ICA1: variants seen among roughly 807,000 people sequenced by gnomAD.
The protein encoded by ICA1 is islet cell autoantigen 1.
Under a neutral mutation model 71.0 loss-of-function variants are expected in ICA1, and 40 were observed. That is an observed-to-expected ratio of 0.56 (90% CI 0.44 to 0.73). The LOEUF (loss-of-function observed/expected upper bound fraction) is 0.73, where lower values mean the gene tolerates loss of function less well. ICA1 is among the 30% of genes least tolerant of loss of function. The pLI is 0.00. For synonymous variants in ICA1, 207 were observed against 209.5 expected (o/e 0.99, Z 0.10); for missense variants, 578 against 576.5 (o/e 1.00, Z -0.03).
chr7:8,140,109 T>A (rs1444620702), intron 10 of ICA1, among the ~76,000 whole-genome samples: 2 of 152,222 alleles, frequency 1.3e-5, no homozygotes, highest in African/African-American at 4.8e-5. Context: ...TTTATATAGA[T>A]TTATAACTTG....
At chr7:8,225,284 A>T (rs1239224245) in intron 4 of ICA1, among the ~76,000 whole-genome samples, 1 of 151,352 alleles carries the variant, frequency 6.6e-6, no homozygotes, top group Non-Finnish European at 1.5e-5. Flanking sequence ...TCCACCATTT[A>T]TCTCTCTCTC....
chr7:8,152,845 C>CACCAT (rs1799919708), intron 8 of ICA1, among the ~76,000 whole-genome samples: 4 of 135,330 alleles, frequency 3.0e-5, no homozygotes, highest in African/African-American at 5.8e-5. Flanking sequence ...CCCACCACTA[C>CACCAT]CACCATCACC....
intron 9 of ICA1, among the ~76,000 whole-genome samples, chr7:8,142,464 G>A (rs1795565973): frequency 1.3e-5 from 2 of 150,480 alleles, no homozygotes; most frequent in Non-Finnish European, 2.9e-5. Context: ...AAGCACTGAA[G>A]TATTTGAGAA....
At chr7:8,165,051 G>A (rs562686756) in intron 6 of ICA1, among the ~76,000 whole-genome samples, 55 of 152,178 alleles carry the variant, frequency 3.6e-4, no homozygotes, top group African/African-American at 1.2e-3. Context: ...CACTCCAGAA[G>A]CAGCCTGGGT....
intron 13 of ICA1, among the ~76,000 whole-genome samples, chr7:8,115,432 C>A (rs1011132108): frequency 6.6e-6 from 1 of 152,152 alleles, no homozygotes; most frequent in African/African-American, 2.4e-5. Context: ...TAGAGGATAT[C>A]AAAATATCTT....
intron 1 of ICA1, among the ~76,000 whole-genome samples, chr7:8,259,454 C>T (rs1057454069): frequency 2.0e-5 from 3 of 152,176 alleles, no homozygotes; most frequent in Non-Finnish European, 4.4e-5. Flanking sequence ...ATTATTTGAA[C>T]TACTCAAAAC....
rs763643144 is a variant in ICA1 at position 8,132,166 on chromosome 7, C to G, written c.1061-4024G>C. Among the ~76,000 whole-genome samples the G allele has an allele frequency of 1.3e-5, 2 of 152,198 alleles. No homozygotes were observed. Among genetic ancestry groups the G allele is most frequent in the Non-Finnish European group, 1.5e-5 (1 of 68,040 alleles). On this transcript the variant is annotated intron_variant, in intron 12 of 13. Transcript: ENST00000402384. This position sits in a 1 kb window ranked among gnomAD's most constrained non-coding sequence, Gnocchi z 4.5. Reference sequence around the variant, plus strand: ...GACGTACTCACATCCTCACCTGTCTCCAACTCCGTGACCTTGCAGGCATTG... The same window carrying G: ...GACGTACTCACATCCTCACCTGTCTGCAACTCCGTGACCTTGCAGGCATTG...
In ICA1 at chr7:8,157,104, T is replaced by A. The variant is rs776629414; in HGVS notation, c.804+12A>T. 4 of 1,614,210 alleles carry A rather than the reference T, an allele frequency of 2.5e-6. No homozygotes were observed. The South Asian group carries it at 4.4e-5, about 18-fold the overall frequency. On this transcript the variant is annotated intron_variant, in intron 8 of 13. Transcript: ENST00000402384. The stretch of plus-strand genomic sequence containing the variant: ...TCTCAAGATTTTCTAGTGGCCCCTC[T>A]AGCTTCCATACCTTTAAAGTAGTAA...
intron 6 of ICA1, among the ~76,000 whole-genome samples, chr7:8,159,125 C>T (rs1413519670): frequency 6.6e-6 from 1 of 152,146 alleles, no homozygotes; most frequent in East Asian, 1.9e-4. Flanking sequence ...ATTTACTAAC[C>T]TACAGACTTT....
rs369848348 is a variant in ICA1, at chr7:8,234,410, C to T, written c.17+1500G>A. ...TGCCCCAAAGGCTCCCCTGACCCCC[C>T]CAGGCAACTCTCCTCTGTGGAGATG... On this transcript the variant is annotated intron_variant, in intron 2 of 13. Coordinates refer to ENST00000402384, the MANE Select transcript of ICA1 (RefSeq NM_001136020.3). The surrounding 1 kb of genome is among the most constrained non-coding windows in gnomAD (Gnocchi z 4.5). 6.6e-5 allele frequency among the ~76,000 whole-genome samples: 10 copies of T among 152,292 alleles called. No individual in the cohort carries two copies. The highest frequency in any genetic ancestry group is 4.6e-4 in the Admixed American group (7 of 15,300).
In ICA1 at chr7:8,128,100, G is replaced by C; in HGVS notation, c.1103C>G (p.Ala368Gly). ...PVAGTPEPEG[A>G]DKDDLLLLSE... ...CAACAGCAGCAGGTCATCTTTGTCAGCACCTTCAGGTTCCGGGGTCCCTGC... is the reference window on the plus strand; with the variant it reads ...CAACAGCAGCAGGTCATCTTTGTCACCACCTTCAGGTTCCGGGGTCCCTGC... The change falls in exon 13 of 14, where the codon GCT becomes GGT. Residue 368 changes from alanine (A) to glycine (G), a missense_variant. By Grantham distance (60) the Ala-to-Gly change is moderately conservative. Coordinates refer to ENST00000402384, the MANE Select transcript of ICA1 (RefSeq NM_001136020.3). The C allele has an allele frequency of 6.2e-6, 10 of 1,614,180 alleles. No individual in the cohort carries two copies. Among genetic ancestry groups the C allele is most frequent in the Non-Finnish European group, 7.6e-6 (9 of 1,180,026 alleles).
At chr7:8,241,969 A>T in intron 1 of ICA1, among the ~76,000 whole-genome samples, 1 of 152,186 alleles carries the variant, frequency 6.6e-6, no homozygotes, top group Admixed American at 6.5e-5. Flanking sequence ...TAATAATGGG[A>T]GACTTTAACA....
chr7:8,232,434 G>T (rs1800547933), intron 3 of ICA1, among the ~76,000 whole-genome samples, 156 bp downstream of exon 3: 1 of 152,134 alleles, frequency 6.6e-6, no homozygotes, highest in Non-Finnish European at 1.5e-5. Context: ...AGAATTTGCA[G>T]GTTTTAATAA....
At position 8,173,669 on chromosome 7, in the gene ICA1, G is replaced by GTCTTTCCA. The variant is rs1779577439; in HGVS notation, c.580-15025_580-15018dup. On this transcript the variant is annotated intron_variant, in intron 6 of 13. Coordinates refer to ENST00000402384, the MANE Select transcript of ICA1 (RefSeq NM_001136020.3). The surrounding 1 kb of genome is among the most constrained non-coding windows in gnomAD (Gnocchi z 4.0). ...ATAATCTGTTTCCAGTAGCAGGCCT[G>GTCTTTCCA]TCTTTCCAAGGTACTATTTCATGCT... 6.6e-6 allele frequency among the ~76,000 whole-genome samples: 1 copy of GTCTTTCCA among 152,180 alleles called. No homozygotes were observed. The highest frequency in any genetic ancestry group is 6.5e-5 in the Admixed American group (1 of 15,282).
intron 6 of ICA1, among the ~76,000 whole-genome samples, chr7:8,168,031 G>GGGA (rs1491563837): frequency 0.023 from 1,531 of 67,578 alleles, 33 homozygotes; most frequent in African/African-American, 0.1. Flanking sequence ...AGAAAAAGAG[G>GGGA]GAGAGAGAGA....
intron 10 of ICA1, 34 bp from the exon 11 acceptor site, chr7:8,139,081 A>G: frequency 1.3e-6 from 2 of 1,536,464 alleles, no homozygotes; most frequent in South Asian, 2.2e-5. Context: ...GTTACCAACA[A>G]CTCGAAATGG....
At chr7:8,235,250 T>C (rs761979533) in intron 2 of ICA1, among the ~76,000 whole-genome samples, 2 of 151,986 alleles carry the variant, frequency 1.3e-5, no homozygotes, top group South Asian at 4.1e-4. Context: ...TTAAAGAAAA[T>C]AAAAGTTCAC....
At chr7:8,120,212 C>A (rs1786362604) in intron 13 of ICA1, among the ~76,000 whole-genome samples, 2 of 152,158 alleles carry the variant, frequency 1.3e-5, no homozygotes, top group Non-Finnish European at 1.5e-5. Context: ...AGCCAGTTTG[C>A]CAAGTCACAT....
intron 6 of ICA1, among the ~76,000 whole-genome samples, chr7:8,172,228 T>A (rs1315027052): frequency 1.3e-5 from 2 of 152,044 alleles, no homozygotes; most frequent in Non-Finnish European, 2.9e-5. Flanking sequence ...CTATTTTTCC[T>A]TTAAGTTCTT....
Sources: gnomAD v4.1 joint callset for allele counts (sites outside exome capture counted in the v4.1 genomes callset) on GRCh38, gnomAD v4.1.1 for gene constraint, Gnocchi (gnomAD v3.1) non-coding constraint, MANE v1.5 for transcripts, NCBI Gene and HGNC (gene_info 2026-07-23, HGNC 2026-07-21) for gene names.